Variants in GCNT1 observed in about 807,000 individuals in gnomAD.
GCNT1 encodes the protein glucosaminyl (N-acetyl) transferase 1, also known as beta-1,3-galactosyl-O-glycosyl-glycoprotein beta-1,6-N-acetylglucosaminyltransferase.
GCNT1 carries 16 observed loss-of-function variants against 26.2 expected under a neutral mutation model. The ratio of observed to expected loss-of-function variants is 0.61; its 90% CI spans 0.41 to 0.93. GCNT1 has a LOEUF of 0.93. Ranked by LOEUF, GCNT1 falls within the 40% of genes least tolerant of loss-of-function variation. GCNT1 has a pLI of 0.00. For synonymous variants in GCNT1, 183 were observed against 190.8 expected, an observed-to-expected ratio of 0.96 and a Z score of 0.34; for missense variants, 477 against 526.7, an observed-to-expected ratio of 0.91 and a Z score of 0.92.
intron 1 of GCNT1, among the ~76,000 whole-genome samples, chr9:76,435,193 C>T (rs1339690193): frequency 6.6e-6 from 1 of 152,134 alleles, no homozygotes; most frequent in African/African-American, 2.4e-5. Context: ...CAGCCCCTCC[C>T]CTTTTAAAAT....
chr9:76,401,635 T>A, the GCNT1 span, among the ~76,000 whole-genome samples: 1 of 152,222 alleles, frequency 6.6e-6, no homozygotes, highest in Non-Finnish European at 1.5e-5. Context: ...AGAGCAAACA[T>A]GTTTATTATC....
chr9:76,480,901 T>G (rs1030743488), intron 2 of GCNT1, among the ~76,000 whole-genome samples: 1 of 152,010 alleles, frequency 6.6e-6, no homozygotes, highest in Non-Finnish European at 1.5e-5. Flanking sequence ...TATTTTAACA[T>G]TTTTTATATA....
intron 3 of GCNT1, chr9:76,501,906 GT>G: frequency 6.6e-6 from 1 of 152,294 alleles, no homozygotes; most frequent in African/African-American, 2.4e-5. Flanking sequence ...TCCAACTATG[GT>G]TTTGCACCTC....
At chr9:76,473,570 C>T (rs566288355) in intron 2 of GCNT1, among the ~76,000 whole-genome samples, 1 of 152,284 alleles carries the variant, frequency 6.6e-6, no homozygotes, top group East Asian at 1.9e-4. Flanking sequence ...CAAGTTAGCT[C>T]ACTTACTCTT....
upstream of GCNT1, among the ~76,000 whole-genome samples, chr9:76,418,894 C>T (rs1048620077): frequency 7.9e-5 from 12 of 152,030 alleles, no homozygotes; most frequent in African/African-American, 2.7e-4. Context: ...AATGAGATTT[C>T]GGAGAGGGGA....
intron 2 of GCNT1, among the ~76,000 whole-genome samples, chr9:76,476,427 GAAAA>G (rs757427639): frequency 7.2e-5 from 10 of 138,476 alleles, no homozygotes; most frequent in African/African-American, 2.7e-4. Context: ...TTTTAGATTT[GAAAA>G]AAAAAAAGAG....
At chr9:76,427,322 C>T (rs1823271296) in intron 1 of GCNT1, among the ~76,000 whole-genome samples, 2 of 151,540 alleles carry the variant, frequency 1.3e-5, no homozygotes, top group South Asian at 4.2e-4. Flanking sequence ...TCAGTCACTA[C>T]AGCTACGCAC....
Position 76,435,278 on chromosome 9 carries a change from C to T in GCNT1, n.38+15391C>T, listed in dbSNP as rs181453339. On this transcript the variant is annotated intron_variant and non_coding_transcript_variant, in intron 1 of 3. Transcript: ENST00000488136. ...TACTGATATGTGATGTCACCCCTGG[C>T]GGCCCAGCTGTAAAATTCCTCTCTT... 7.2e-5 allele frequency among the ~76,000 whole-genome samples: 11 copies of T among 152,184 alleles called. No homozygotes were observed. In the East Asian group the frequency reaches 1.5e-3, roughly 21 times the overall value.
chr9:76,474,193 C>T (rs150169136), intron 2 of GCNT1, among the ~76,000 whole-genome samples: 261 of 152,140 alleles, frequency 1.7e-3, no homozygotes, highest in African/African-American at 6.0e-3. Flanking sequence ...GTTGCAATAT[C>T]GGCAAAAATA....
the GCNT1 span, among the ~76,000 whole-genome samples, chr9:76,406,162 A>G: frequency 2.0e-5 from 3 of 152,122 alleles, no homozygotes; most frequent in Non-Finnish European, 4.4e-5. Context: ...CTTATTTGCC[A>G]TCTGTATATC....
Position 76,481,694 on chromosome 9 carries a change from G to A in GCNT1, c.-289-19222G>A, listed in dbSNP as rs115904182. Reference sequence around the variant, plus strand: ...TAAAAAAGAAGATATTTCCACAAGCGTGTCAAGAACTACGAAGGGTCTGAG... The same window carrying A: ...TAAAAAAGAAGATATTTCCACAAGCATGTCAAGAACTACGAAGGGTCTGAG... On this transcript the variant is annotated intron_variant, in intron 2 of 3. Coordinates refer to ENST00000376730, the MANE Select transcript of GCNT1 (RefSeq NM_001490.5). 7.8e-3 allele frequency among the ~76,000 whole-genome samples: 1,186 copies of A among 152,182 alleles called. 16 individuals are homozygous for A. Among genetic ancestry groups the A allele is most frequent in the African/African-American group, 0.027 (1,139 of 41,516 alleles).
At chr9:76,480,833 A>C (rs1824402863) in intron 2 of GCNT1, among the ~76,000 whole-genome samples, 1 of 152,204 alleles carries the variant, frequency 6.6e-6, no homozygotes, top group Non-Finnish European at 1.5e-5. Context: ...TAAACTACAC[A>C]GATGAAACCT....
chr9:76,413,653 G>GTTTTTTTTTTTTTTGTTTTT, the GCNT1 span, among the ~76,000 whole-genome samples: 53 of 118,648 alleles, frequency 4.5e-4, no homozygotes, highest in East Asian at 1.1e-3. Flanking sequence ...GTTTTGTTTT[G>GTTTTTTTTTTTTTTGTTTTT]TTTTTTTTTT....
upstream of GCNT1, among the ~76,000 whole-genome samples, chr9:76,416,296 T>A (rs1823132212): frequency 6.6e-6 from 1 of 152,130 alleles, no homozygotes; most frequent in South Asian, 2.1e-4. Context: ...CCCATCCCAC[T>A]AAGAGCCACC....
chr9:76,404,470 C>T, the GCNT1 span, among the ~76,000 whole-genome samples: 161 of 152,226 alleles, frequency 1.1e-3, no homozygotes, highest in Non-Finnish European at 1.7e-3. Flanking sequence ...TAAAAATGCT[C>T]CCAAATATTT....
chr9:76,470,423 G>C (rs1824103031), intron 2 of GCNT1, among the ~76,000 whole-genome samples: 1 of 151,906 alleles, frequency 6.6e-6, no homozygotes, highest in African/African-American at 2.4e-5. Context: ...GGGCAATATG[G>C]TAAAACCCCA....
At chr9:76,497,529 C>T (rs1824941467) in intron 2 of GCNT1, among the ~76,000 whole-genome samples, 1 of 152,082 alleles carries the variant, frequency 6.6e-6, no homozygotes, top group Non-Finnish European at 1.5e-5. Flanking sequence ...AGACACTTAC[C>T]CATCTTGTTA....
intron 2 of GCNT1, among the ~76,000 whole-genome samples, chr9:76,471,938 G>C (rs754864839): frequency 1.5e-4 from 23 of 152,070 alleles, no homozygotes; most frequent in Middle Eastern, 3.2e-3. Flanking sequence ...TCCCCAGTCA[G>C]CTCAACTGGT....
rs758040032 is a variant in GCNT1, at chr9:76,502,812, A to G, written c.431A>G (p.Tyr144Cys). The change falls in exon 4 of 4, where the codon TAT becomes TGT. Residue 144 changes from tyrosine to cysteine, a missense_variant. Tyr to Cys is a radical substitution (Grantham distance 194). Transcript: ENST00000376730. Reference protein sequence around the residue: ...EMLDRLLRAIYMPQNFYCIHV... With the variant: ...EMLDRLLRAICMPQNFYCIHV... ...CTTGACAGGCTGCTGAGGGCCATCT[A>G]TATGCCTCAGAATTTCTATTGCATT... 1.6e-5 allele frequency: 26 copies of G among 1,614,004 alleles called. No individual in the cohort carries two copies. Among genetic ancestry groups the G allele is most frequent in the Admixed American group, 5.0e-5 (3 of 59,986 alleles).
Sources: allele counts gnomAD v4.1 joint callset (sites outside exome capture counted in the v4.1 genomes callset), GRCh38; gene constraint gnomAD v4.1.1; transcripts MANE v1.5; gene names NCBI Gene and HGNC (gene_info 2026-07-23, HGNC 2026-07-21).